The following CERT1 variants were observed in gnomAD, a reference collection of about 807,000 sequenced individuals.
CERT1 encodes the protein ceramide transfer protein.
In CERT1, 31 loss-of-function variants were observed where a neutral mutation model predicts 87.9. The observed-to-expected ratio is 0.35, with a 90% CI of 0.27 to 0.48. The LOEUF (loss-of-function observed/expected upper bound fraction) is 0.48. CERT1 is among the 20% of genes least tolerant of loss of function. The probability of loss-of-function intolerance (pLI) is 0.99; values close to 1 mark genes in which losing one functional copy is unlikely to be tolerated. For synonymous variants in CERT1, 289 were observed against 250.9 expected, an observed-to-expected ratio of 1.15 and a Z score of -1.44; for missense variants, 487 against 758.0, an observed-to-expected ratio of 0.64 and a Z score of 4.20.
At chr5:75,468,158 C>T (rs1765551681) in intron 2 of CERT1, among the ~76,000 whole-genome samples, 1 of 152,166 alleles carries the variant, frequency 6.6e-6, no homozygotes, top group African/African-American at 2.4e-5. Flanking sequence ...AGAGGACTCT[C>T]CAGTGATCAT....
At chr5:75,381,046 A>G (rs1335401010) in intron 16 of CERT1, 26 bp downstream of exon 16, 2 of 1,611,170 alleles carry the variant, frequency 1.2e-6, no homozygotes, top group South Asian at 2.2e-5. Flanking sequence ...CACATTATCA[A>G]AGAGCAAAAA....
intron 3 of CERT1, among the ~76,000 whole-genome samples, chr5:75,452,652 A>G (rs1764812822): frequency 6.6e-6 from 1 of 152,322 alleles, no homozygotes; most frequent in South Asian, 2.1e-4. Context: ...CAAATTATAC[A>G]GAAAATGCTC....
chr5:75,417,280 G>A (rs1223512481), intron 6 of CERT1, among the ~76,000 whole-genome samples: 1 of 151,898 alleles, frequency 6.6e-6, no homozygotes, highest in East Asian at 1.9e-4. Context: ...TTGCTGTGCT[G>A]CACCCAATTA....
chr5:75,482,502 C>T (rs1051407108), intron 2 of CERT1, among the ~76,000 whole-genome samples: 14 of 152,208 alleles, frequency 9.2e-5, no homozygotes, highest in African/African-American at 3.4e-4. Flanking sequence ...TACTGACTGA[C>T]ACCTACTGGA....
At chr5:75,452,157 T>C (rs1764793795) in intron 3 of CERT1, among the ~76,000 whole-genome samples, 1 of 152,178 alleles carries the variant, frequency 6.6e-6, no homozygotes, top group Non-Finnish European at 1.5e-5. Context: ...GTAAGAACAA[T>C]TCCACAAATA....
intron 2 of CERT1, among the ~76,000 whole-genome samples, chr5:75,469,848 T>A (rs1018221584): frequency 6.6e-6 from 1 of 152,070 alleles, no homozygotes; most frequent in South Asian, 2.1e-4. Context: ...TTTCAACATA[T>A]ACATACTGAA....
At chr5:75,410,953 C>A in intron 8 of CERT1, 58 bp downstream of exon 8, 1 of 897,498 alleles carries the variant, frequency 1.1e-6, no homozygotes, top group Non-Finnish European at 1.7e-6. Flanking sequence ...ATTAAAAAAT[C>A]ACTTTTGTGA....
chr5:75,487,974 G>A (rs1285519636), intron 2 of CERT1, among the ~76,000 whole-genome samples: 1 of 152,012 alleles, frequency 6.6e-6, no homozygotes, highest in Non-Finnish European at 1.5e-5. Flanking sequence ...AACTTTGCAT[G>A]TTCTTACTAA....
intron 3 of CERT1, among the ~76,000 whole-genome samples, chr5:75,444,472 T>A (rs974160297): frequency 2.6e-5 from 4 of 152,180 alleles, no homozygotes; most frequent in Admixed American, 2.6e-4. Context: ...TCTATGTGCC[T>A]TATTAGTATT....
chr5:75,462,910 T>C (rs1765297930), intron 2 of CERT1, among the ~76,000 whole-genome samples: 1 of 146,356 alleles, frequency 6.8e-6, no homozygotes, highest in Non-Finnish European at 1.5e-5. Context: ...GAGAATCACT[T>C]GAACCCGGGA....
chr5:75,439,886 AATTT>A (rs1381004719), intron 3 of CERT1, among the ~76,000 whole-genome samples: 1 of 152,044 alleles, frequency 6.6e-6, no homozygotes, highest in Non-Finnish European at 1.5e-5. Context: ...TTAATATTAA[AATTT>A]ATTTAGGCTT....
At chr5:75,488,661 C>T (rs552226752) in intron 2 of CERT1, among the ~76,000 whole-genome samples, 7 of 152,082 alleles carry the variant, frequency 4.6e-5, no homozygotes, top group African/African-American at 1.2e-4. Flanking sequence ...AGTTTAAAAA[C>T]GCTGCTCCCT....
chr5:75,480,555 C>A (rs749130705), intron 2 of CERT1, among the ~76,000 whole-genome samples: 1 of 152,246 alleles, frequency 6.6e-6, no homozygotes. Flanking sequence ...TATACGCATA[C>A]GTGTGCATGC....
chr5:75,494,523 AT>A (rs1366697405), intron 2 of CERT1, among the ~76,000 whole-genome samples: 1 of 152,012 alleles, frequency 6.6e-6, no homozygotes, highest in East Asian at 1.9e-4. Flanking sequence ...GACACCCACG[AT>A]TTTTTTCTCT....
chr5:75,383,133 C>T (rs574847887), intron 14 of CERT1, among the ~76,000 whole-genome samples: 35 of 151,950 alleles, frequency 2.3e-4, no homozygotes, highest in Non-Finnish European at 4.3e-4. Flanking sequence ...TTAATGAGTA[C>T]GGAGTTTCTG....
At chr5:75,445,144 C>T (rs1764485422) in intron 3 of CERT1, among the ~76,000 whole-genome samples, 3 of 152,276 alleles carry the variant, frequency 2.0e-5, no homozygotes, top group African/African-American at 7.2e-5. Flanking sequence ...ACAAAATCTG[C>T]AATTACAAAC....
At chr5:75,414,499 G>A (rs1763062303) in intron 7 of CERT1, among the ~76,000 whole-genome samples, 1 of 152,150 alleles carries the variant, frequency 6.6e-6, no homozygotes, top group Non-Finnish European at 1.5e-5. Flanking sequence ...ACACACCTGT[G>A]AATCTAATAA....
chr5:75,373,034 AG>A (rs1363297732), downstream of CERT1: 1 of 152,220 alleles, frequency 6.6e-6, no homozygotes, highest in Non-Finnish European at 1.5e-5. Flanking sequence ...AAACTGAAAA[AG>A]GTATTTTACA....
chr5:75,474,334 C>T lies in CERT1; in HGVS notation c.232-15153G>A, dbSNP rs550922703. ...ATTTTGAGGCAGTAGCTTGCCAATG[C>T]TCCCAGCTGAATAAAGCCCTTCCTT... On this transcript the variant is annotated intron_variant, in intron 2 of 16. Coordinates refer to ENST00000643780, the MANE Select transcript of CERT1 (RefSeq NM_001379029.1). Among the ~76,000 whole-genome samples, 7 of 152,240 alleles carry T rather than the reference C, an allele frequency of 4.6e-5. No homozygotes were observed. In the East Asian group the frequency reaches 1.4e-3, roughly 29 times the overall value.
Sources: gnomAD v4.1 joint callset for allele counts (sites outside exome capture counted in the v4.1 genomes callset) on GRCh38, gnomAD v4.1.1 for gene constraint, MANE v1.5 for transcripts, NCBI Gene and HGNC (gene_info 2026-07-23, HGNC 2026-07-21) for gene names.